SRD5A2: variants seen among roughly 807,000 people sequenced by gnomAD.
SRD5A2 encodes steroid 5 alpha-reductase 2.
In SRD5A2, 30 loss-of-function variants were observed where a neutral mutation model predicts 27.4. The ratio of observed to expected loss-of-function variants is 1.10; its 90% CI spans 0.82 to 1.49. SRD5A2 has a LOEUF of 1.49. Ranked by LOEUF, SRD5A2 falls within the 40% of genes most tolerant of loss-of-function variation. SRD5A2 has a pLI of 0.00. For missense variants in SRD5A2, 348 were observed against 323.4 expected, an observed-to-expected ratio of 1.08 and a Z score of -0.58; for synonymous variants, 141 against 133.6, an observed-to-expected ratio of 1.06 and a Z score of -0.38.
At chr2:31,589,339 T>C in the SRD5A2 span, among the ~76,000 whole-genome samples, 1 of 152,188 alleles carries the variant, frequency 6.6e-6, no homozygotes, top group Non-Finnish European at 1.5e-5. Flanking sequence ...ATAATGAATT[T>C]ACATGAGCTG....
At chr2:31,631,747 G>A in the SRD5A2 span, among the ~76,000 whole-genome samples, 2 of 152,150 alleles carry the variant, frequency 1.3e-5, no homozygotes, top group Non-Finnish European at 2.9e-5. Flanking sequence ...CAGAGAGTTT[G>A]GCGATCTCTG....
At chr2:31,561,412 G>A (rs183349519) in intron 1 of SRD5A2, among the ~76,000 whole-genome samples, 1,621 of 152,184 alleles carry the variant, frequency 0.011, 12 homozygotes, top group Admixed American at 0.034. Flanking sequence ...TGGAAGACAG[G>A]GCAGCCACAT....
At chr2:31,601,379 T>A in the SRD5A2 span, among the ~76,000 whole-genome samples, 3 of 151,906 alleles carry the variant, frequency 2.0e-5, no homozygotes, top group African/African-American at 7.3e-5. Context: ...AGAAATTGAA[T>A]CCCTGAATAG....
At chr2:31,585,213 A>C (rs1271882816), upstream of SRD5A2, among the ~76,000 whole-genome samples, 1 of 152,186 alleles carries the variant, frequency 6.6e-6, no homozygotes, top group African/African-American at 2.4e-5. Context: ...CTAAACCTGA[A>C]AGGCAGTTTA....
chr2:31,551,349 T>C (rs1666377562), intron 1 of SRD5A2, among the ~76,000 whole-genome samples: 1 of 152,148 alleles, frequency 6.6e-6, no homozygotes, highest in Non-Finnish European at 1.5e-5. Flanking sequence ...TTCTAAAATG[T>C]ACACATGCTC....
chr2:31,637,824 C>A, the SRD5A2 span, among the ~76,000 whole-genome samples: 1 of 151,800 alleles, frequency 6.6e-6, no homozygotes, highest in African/African-American at 2.4e-5. Flanking sequence ...TCATTTAAGT[C>A]TTCTCTCTTC....
the SRD5A2 span, among the ~76,000 whole-genome samples, chr2:31,604,753 T>A: frequency 8.3e-4 from 126 of 151,902 alleles, 1 homozygote; most frequent in South Asian, 0.025. Flanking sequence ...ACAGATTCAA[T>A]GCGATTCGTG....
intron 1 of SRD5A2, among the ~76,000 whole-genome samples, chr2:31,559,659 G>C (rs1476923332): frequency 6.6e-6 from 1 of 152,002 alleles, no homozygotes; most frequent in Non-Finnish European, 1.5e-5. Flanking sequence ...AAAATTTAAA[G>C]AAAAAGGAGG....
the SRD5A2 span, among the ~76,000 whole-genome samples, chr2:31,639,501 C>T: frequency 6.6e-6 from 1 of 151,950 alleles, no homozygotes; most frequent in Non-Finnish European, 1.5e-5. Context: ...TGAAGAACTC[C>T]CTTTAGTATT....
the SRD5A2 span, among the ~76,000 whole-genome samples, chr2:31,625,133 T>C: frequency 1.4e-4 from 21 of 152,374 alleles, no homozygotes; most frequent in Admixed American, 1.1e-3. Flanking sequence ...TTTTTTCATA[T>C]GTCTGTTGGC....
At chr2:31,617,859 G>A in the SRD5A2 span, among the ~76,000 whole-genome samples, 1 of 152,250 alleles carries the variant, frequency 6.6e-6, no homozygotes, top group Non-Finnish European at 1.5e-5. Flanking sequence ...ACATTTTCCT[G>A]TCTTCTTTTG....
upstream of SRD5A2, among the ~76,000 whole-genome samples, chr2:31,582,322 G>A (rs571746222): frequency 1.3e-5 from 2 of 152,132 alleles, no homozygotes; most frequent in Non-Finnish European, 2.9e-5. Flanking sequence ...GCTCCCGTTT[G>A]GGGTGTCTCC....
chr2:31,627,429 CGG>C, the SRD5A2 span, among the ~76,000 whole-genome samples: 67 of 142,558 alleles, frequency 4.7e-4, no homozygotes, highest in African/African-American at 1.1e-3. Flanking sequence ...TTCTTTTGTA[CGG>C]GGGTGTGTGT....
At chr2:31,568,898 C>A (rs750346184) in intron 1 of SRD5A2, among the ~76,000 whole-genome samples, 1 of 152,250 alleles carries the variant, frequency 6.6e-6, no homozygotes, top group Non-Finnish European at 1.5e-5. Flanking sequence ...CATGCCAGGC[C>A]GAGCAACAGC....
chr2:31,546,876 C>A (rs1034082623), intron 1 of SRD5A2, among the ~76,000 whole-genome samples: 1 of 152,162 alleles, frequency 6.6e-6, no homozygotes, highest in African/African-American at 2.4e-5. Flanking sequence ...GAGGGCGGAT[C>A]ACCTGAGGTC....
chr2:31,602,246 C>T, the SRD5A2 span, among the ~76,000 whole-genome samples: 32 of 152,066 alleles, frequency 2.1e-4, no homozygotes, highest in African/African-American at 7.0e-4. Flanking sequence ...GCAAAAATCA[C>T]TAGCATTCCT....
chr2:31,561,565 T>C (rs1666624112), intron 1 of SRD5A2, among the ~76,000 whole-genome samples: 1 of 152,164 alleles, frequency 6.6e-6, no homozygotes, highest in African/African-American at 2.4e-5. Flanking sequence ...TTAAGTTCCC[T>C]GCTTATGTTT....
chr2:31,532,087 T>C (rs35702549), intron 2 of SRD5A2, among the ~76,000 whole-genome samples: 20,408 of 152,062 alleles, frequency 0.13, 1,534 homozygotes, highest in African/African-American at 0.2. Flanking sequence ...CTTGCAACCA[T>C]GAAGTGATGA....
the SRD5A2 span, among the ~76,000 whole-genome samples, chr2:31,615,743 T>TG: frequency 6.6e-6 from 1 of 152,060 alleles, no homozygotes; most frequent in Non-Finnish European, 1.5e-5. Flanking sequence ...CCCAAGACAA[T>TG]GGGGAAAATG....
Sources: allele counts gnomAD v4.1 joint callset (sites outside exome capture counted in the v4.1 genomes callset), GRCh38; gene constraint gnomAD v4.1.1; transcripts MANE v1.5; gene names NCBI Gene and HGNC (gene_info 2026-07-23, HGNC 2026-07-21).